Variants in ATP5F1A observed in about 807,000 individuals in gnomAD.
The protein encoded by ATP5F1A is ATP synthase F1 subunit alpha.
A neutral mutation model predicts 57.4 loss-of-function variants in ATP5F1A; 24 were observed. That is an observed-to-expected ratio of 0.42 (90% confidence interval 0.30 to 0.59). The LOEUF (loss-of-function observed/expected upper bound fraction) is 0.59, where lower values mean the gene tolerates loss of function less well. Among genes scored for constraint, ATP5F1A ranks in the 20% least tolerant of loss-of-function variants. The pLI, the probability that ATP5F1A is intolerant of heterozygous loss-of-function variation, is 0.19. For synonymous variants in ATP5F1A, 251 were observed against 255.5 expected (o/e 0.98, Z 0.17); for missense variants, 494 against 707.9 (o/e 0.70, Z 3.43).
chr18:46,087,737 G>T, intron 6 of ATP5F1A: 1 of 470,952 alleles, frequency 2.1e-6, no homozygotes, highest in Admixed American at 3.6e-5. Context: ...AAAATTAGCC[G>T]GACGTGGTGG....
At chr18:46,102,173 C>CAAA (rs1225574441), upstream of ATP5F1A, among the ~76,000 whole-genome samples, 381 of 110,144 alleles carry the variant, frequency 3.5e-3, 2 homozygotes, top group Non-Finnish European at 5.7e-3. Flanking sequence ...GACTCCCTCT[C>CAAA]AAAAAAAAAA....
At chr18:46,096,982 CAAAAAA>C (rs71160709) in intron 1 of ATP5F1A, among the ~76,000 whole-genome samples, 40 of 75,176 alleles carry the variant, frequency 5.3e-4, no homozygotes, top group East Asian at 2.8e-3. Context: ...GACACCATCT[CAAAAAA>C]AAAAAAAAAA....
upstream of ATP5F1A, among the ~76,000 whole-genome samples, chr18:46,099,098 T>G (rs1288567758): frequency 6.6e-6 from 1 of 152,058 alleles, no homozygotes; most frequent in Non-Finnish European, 1.5e-5. Context: ...GAACTTTAAA[T>G]TAAAAAAAAT....
At position 46,094,423 on chromosome 18, in the gene ATP5F1A, C is replaced by G. The variant is rs371991106; in HGVS notation, c.139+630G>C. Among the ~76,000 whole-genome samples the G allele has an allele frequency of 2.2e-4, 33 of 152,212 alleles. 1 individual carries two copies. Among genetic ancestry groups the G allele is most frequent in the East Asian group, 1.6e-3 (8 of 5,150 alleles). On this transcript the variant is annotated intron_variant, in intron 2 of 11. Transcript: ENST00000398752. Reference sequence around the variant, plus strand: ...GTGGCTCACGCCTTTAATCCCAGCACTTTGGGAGGCCGAGGCAGGCATATC... The same window carrying G: ...GTGGCTCACGCCTTTAATCCCAGCAGTTTGGGAGGCCGAGGCAGGCATATC...
At position 46,081,403 on chromosome 18, in the gene ATP5F1A, G is replaced by C. The variant is rs748063500; in HGVS notation, c.*2879C>G. ...ATGCTCCAACAAGCCGGGCGCAGTG[G>C]CTCACCCCTGTAATCCCAGTACTTT... On this transcript the variant is annotated 3_prime_UTR_variant, in exon 12 of 12. Transcript: ENST00000398752. 6.6e-6 allele frequency: 1 copy of C among 151,876 alleles called. No homozygotes were observed. The highest frequency in any genetic ancestry group is 1.5e-5 in the Non-Finnish European group (1 of 68,024). 9.4% of individuals were successfully genotyped at this position (151,876 alleles called of 1,614,324 possible).
Position 46,081,743 on chromosome 18 carries a change from G to T in ATP5F1A, c.*2539C>A, listed in dbSNP as rs2918084. The T allele has an allele frequency of 7.2e-6, 1 of 139,594 alleles. No homozygotes were observed. Among genetic ancestry groups the T allele is most frequent in the Non-Finnish European group, 1.5e-5 (1 of 64,912 alleles). 8.6% of individuals were successfully genotyped at this position (139,594 alleles called of 1,614,324 possible). A position where few individuals can be genotyped will look rare whatever the true frequency, so the allele number is the denominator to read the frequency against. On this transcript the variant is annotated 3_prime_UTR_variant, in exon 12 of 12. Transcript: ENST00000398752. The stretch of plus-strand genomic sequence containing the variant: ...AACTAAAAGTAACTTCCTTATTTCA[G>T]AAAAGGAAAATCAGATCTAGAAGTT...
intron 10 of ATP5F1A, 38 bp downstream of exon 10, chr18:46,086,075 A>G: frequency 6.2e-7 from 1 of 1,602,702 alleles, no homozygotes; most frequent in South Asian, 1.1e-5. Context: ...CCTGATACAC[A>G]ATAGGAACCT....
Position 46,096,982 on chromosome 18 carries a change from C to CAAAAAAAAA in ATP5F1A, c.60+1181_60+1189dup, listed in dbSNP as rs71160709. On this transcript the variant is annotated intron_variant, in intron 1 of 11. Transcript: ENST00000398752. ...TGGGCGACTGAGCGAGACACCATCT[C>CAAAAAAAAA]AAAAAAAAAAAAAAAAAAAAAAAAC... is the stretch of plus-strand genomic sequence containing the variant. Among the ~76,000 whole-genome samples the CAAAAAAAAA allele has an allele frequency of 1.1e-3, 84 of 75,154 alleles. 2 individuals carry two copies. Among genetic ancestry groups the CAAAAAAAAA allele is most frequent in the African/African-American group, 4.7e-3 (75 of 16,080 alleles). 49.3% of individuals were successfully genotyped at this position (75,154 alleles called of 152,430 possible). A position where few individuals can be genotyped will look rare whatever the true frequency, so the allele number is the denominator to read the frequency against.
At chr18:46,101,217 T>C (rs2144232310), upstream of ATP5F1A, among the ~76,000 whole-genome samples, 1 of 152,178 alleles carries the variant, frequency 6.6e-6, no homozygotes, top group African/African-American at 2.4e-5. Context: ...TAGTTGGGGA[T>C]GACAAGAATG....
upstream of ATP5F1A, among the ~76,000 whole-genome samples, chr18:46,100,920 A>G (rs1361024995): frequency 6.6e-6 from 1 of 152,002 alleles, no homozygotes; most frequent in East Asian, 1.9e-4. Context: ...TAAAAATACA[A>G]AAATTGGCTG....
Position 46,086,093 on chromosome 18 carries a change from T to C in ATP5F1A, c.1429+20A>G, listed in dbSNP as rs750680962. The C allele has an allele frequency of 5.0e-6, 8 of 1,609,744 alleles. No individual in the cohort carries two copies. The highest frequency in any genetic ancestry group is 6.8e-6 in the Non-Finnish European group (8 of 1,178,730). ...GATACACAATAGGAACCTGACCAAA[T>C]GAAGAAAAGAACAACTTACAATACT... On this transcript the variant is annotated intron_variant, in intron 10 of 11. Coordinates refer to ENST00000398752, the MANE Select transcript of ATP5F1A (RefSeq NM_004046.6).
At chr18:46,100,460 T>A (rs1911244000), upstream of ATP5F1A, among the ~76,000 whole-genome samples, 1 of 151,564 alleles carries the variant, frequency 6.6e-6, no homozygotes, top group Non-Finnish European at 1.5e-5. Flanking sequence ...AAAAGAGAAA[T>A]ATAGCCAGGA....
rs187219829 is a variant in ATP5F1A, at chr18:46,091,763, A to G, written c.228T>C (p.Ser76=). The change falls in exon 3 of 12, where the codon AGT becomes AGC. Residue 76 remains serine (S), a synonymous_variant. Transcript: ENST00000398752. ...GTACGCGGGCAATACCATCACCAAT[A>G]CTTAAGACACGCCCAGTTTCTTCAA... The part of the protein sequence containing the change: ...VDLEETGRVL[S]IGDGIARVHG... 86 of 1,613,970 alleles carry G rather than the reference A, an allele frequency of 5.3e-5. No individual in the cohort carries two copies. The highest frequency in any genetic ancestry group is 1.9e-4 in the African/African-American group (14 of 75,000).
chr18:46,098,266 C>T lies in ATP5F1A; in HGVS notation c.-35G>A, dbSNP rs1196948327. The T allele has an allele frequency of 6.3e-6, 10 of 1,590,404 alleles. No individual in the cohort carries two copies. The highest frequency in any genetic ancestry group is 8.5e-6 in the Non-Finnish European group (10 of 1,172,524). On this transcript the variant is annotated 5_prime_UTR_variant, in exon 1 of 12. Coordinates refer to ENST00000398752, the MANE Select transcript of ATP5F1A (RefSeq NM_004046.6). ...TACTCCGCAGGCGGTACTTCTGCAG[C>T]CGCAGCCTCCGGACTGACTGGGACA...
At chr18:46,088,889 T>C (rs1910325620) in intron 5 of ATP5F1A, among the ~76,000 whole-genome samples, 1 of 152,026 alleles carries the variant, frequency 6.6e-6, no homozygotes. Context: ...AAAACCACCC[T>C]ATGGCTGGAG....
chr18:46,094,074 T>C (rs1246797676), intron 2 of ATP5F1A, among the ~76,000 whole-genome samples: 1 of 150,472 alleles, frequency 6.6e-6, no homozygotes, highest in African/African-American at 2.5e-5. Flanking sequence ...GCCACTGCAC[T>C]CCAGCCTGGG....
upstream of ATP5F1A, chr18:46,098,421 T>G: frequency 7.3e-7 from 1 of 1,366,138 alleles, no homozygotes; most frequent in Non-Finnish European, 9.5e-7. Context: ...ACTTATTTTT[T>G]TATGTAACAT....
Position 46,084,056 on chromosome 18 carries a change from T to A in ATP5F1A, c.*226A>T. 2.5e-6 allele frequency: 1 copy of A among 402,818 alleles called. No homozygotes were observed. The highest frequency in any genetic ancestry group is 4.4e-6 in the Non-Finnish European group (1 of 227,978). The allele number at this position is 402,818 out of a possible 1,614,324, so 25.0% of individuals were successfully genotyped here. On this transcript the variant is annotated 3_prime_UTR_variant, in exon 12 of 12. Transcript: ENST00000398752. ...TATCTAGCCCAGTTGACTGTACCAA[T>A]ATTCAAGTAAAATAGATCAAGAAGC...
upstream of ATP5F1A, among the ~76,000 whole-genome samples, chr18:46,100,171 A>T (rs1911227899): frequency 6.6e-6 from 1 of 150,762 alleles, no homozygotes; most frequent in Non-Finnish European, 1.5e-5. Context: ...GAATTGCTTT[A>T]ACCCGGGAGG....
Sources: allele counts gnomAD v4.1 joint callset (sites outside exome capture counted in the v4.1 genomes callset), GRCh38; gene constraint gnomAD v4.1.1; transcripts MANE v1.5; gene names NCBI Gene and HGNC (gene_info 2026-07-23, HGNC 2026-07-21).